Variants in MFN1 observed in about 807,000 individuals in gnomAD.
The protein encoded by MFN1 is mitofusin-1.
In MFN1, 65 loss-of-function variants were observed where a neutral mutation model predicts 92.4. The observed-to-expected ratio is 0.70, with a 90% CI of 0.58 to 0.86. MFN1 has a LOEUF of 0.86. MFN1 is among the 40% of genes least tolerant of loss of function. The probability of loss-of-function intolerance (pLI) is 0.00; values close to 1 mark genes in which losing one functional copy is unlikely to be tolerated. For missense variants in MFN1, 781 were observed against 868.0 expected (o/e 0.90, Z 1.26); for synonymous variants, 297 against 300.9 (o/e 0.99, Z 0.13).
chr3:179,386,852 T>C lies in MFN1; in HGVS notation c.2012+223T>C, dbSNP rs565475757. 1.8e-4 allele frequency among the ~76,000 whole-genome samples: 27 copies of C among 152,268 alleles called. No homozygotes were observed. In the South Asian group the frequency reaches 5.6e-3, roughly 32 times the overall value. On this transcript the variant is annotated intron_variant, in intron 16 of 17. Coordinates refer to ENST00000471841, the MANE Select transcript of MFN1 (RefSeq NM_033540.3). ...TTCCATTCTCCTGATAGATTAGGTT[T>C]GAACATTAGAAAATTGGTAGATAGG...
chr3:179,378,547 C>G, intron 13 of MFN1, 38 bp from the exon 14 acceptor site: 1 of 1,553,738 alleles, frequency 6.4e-7, no homozygotes, highest in South Asian at 1.1e-5. Context: ...AAACATTTAC[C>G]ATTCTTATCT....
At chr3:179,351,188 CTG>C (rs1712133878) in intron 2 of MFN1, among the ~76,000 whole-genome samples, 1 of 152,146 alleles carries the variant, frequency 6.6e-6, no homozygotes, top group South Asian at 2.1e-4. Flanking sequence ...ATAAAAAAAA[CTG>C]AAAGATTTTT....
chr3:179,360,549 CA>C (rs5854830), intron 4 of MFN1, among the ~76,000 whole-genome samples: 99,206 of 143,348 alleles, frequency 0.69, 33,495 homozygotes, highest in Admixed American at 0.76. Flanking sequence ...CTCCTTCAGC[CA>C]AAAAAAAAAA....
intron 2 of MFN1, among the ~76,000 whole-genome samples, chr3:179,349,398 C>T (rs1712050668): frequency 6.6e-6 from 1 of 152,170 alleles, no homozygotes. Flanking sequence ...AAGCCAAGAC[C>T]TCAGACATAT....
intron 16 of MFN1, 76 bp from the exon 17 acceptor site, chr3:179,389,924 CTTCT>C (rs1713837937): frequency 3.0e-6 from 4 of 1,349,348 alleles, no homozygotes; most frequent in Non-Finnish European, 4.1e-6. Context: ...AACTTGTGTT[CTTCT>C]TTTTATGTGA....
Position 179,385,858 on chromosome 3 carries a change from A to G in MFN1, c.1815+137A>G, listed in dbSNP as rs985725978. 4 of 808,752 alleles carry G rather than the reference A, an allele frequency of 4.9e-6. No individual in the cohort carries two copies. The East Asian group carries it at 1.2e-4, about 24-fold the overall frequency. The allele number at this position is 808,752 out of a possible 1,614,324, so 50.1% of individuals were successfully genotyped here. A position where few individuals can be genotyped will look rare whatever the true frequency, so the allele number is the denominator to read the frequency against. On this transcript the variant is annotated intron_variant, in intron 15 of 17. Transcript: ENST00000471841. ...ATAGTATGAAAATTTGCAGGTTAAA[A>G]GTAGTGAATTAAATATCACAAGTTT...
chr3:179,390,789 G>T (rs181656718), intron 17 of MFN1, among the ~76,000 whole-genome samples: 2 of 152,280 alleles, frequency 1.3e-5, no homozygotes, highest in Non-Finnish European at 2.9e-5. Flanking sequence ...AGTCCCTGCT[G>T]TTACTTCTAG....
intron 2 of MFN1, 81 bp from the exon 3 acceptor site, chr3:179,351,819 C>T (rs1712157154): frequency 3.0e-6 from 4 of 1,349,670 alleles, no homozygotes; most frequent in Non-Finnish European, 4.0e-6. Flanking sequence ...AGCAAAAATA[C>T]ATACAATCTT....
At chr3:179,375,646 G>A (rs778511889) in intron 10 of MFN1, among the ~76,000 whole-genome samples, 39 of 152,156 alleles carry the variant, frequency 2.6e-4, no homozygotes, top group Non-Finnish European at 4.3e-4. Context: ...TCTTCAAGCA[G>A]ATTTTTATGA....
chr3:179,364,280 T>C lies in MFN1; in HGVS notation c.537-17T>C, dbSNP rs1426870201. ...TTTTTAAGAAATATAATACAATTTT[T>C]ATTTCACTCTCATTAGTCCAGGCAC... On this transcript the variant is annotated splice_polypyrimidine_tract_variant and intron_variant, in intron 5 of 17. Coordinates refer to ENST00000471841, the MANE Select transcript of MFN1 (RefSeq NM_033540.3). 6.5e-7 allele frequency: 1 copy of C among 1,540,782 alleles called. No homozygotes were observed.
At chr3:179,388,479 A>G (rs1242066221) in intron 16 of MFN1, among the ~76,000 whole-genome samples, 1 of 152,210 alleles carries the variant, frequency 6.6e-6, no homozygotes, top group African/African-American at 2.4e-5. Flanking sequence ...TGGTAAAAAT[A>G]TATAGAACTC....
rs1471359683 is a variant in MFN1, at chr3:179,378,382, G to C, written c.1371G>C (p.Leu457Phe). ...KHIEDGMGRN[L>F]ADRCTDEVNA... Reference sequence around the variant, plus strand: ...TAGAGGATGGTATGGGAAGAAATTTGGCTGATCGATGCACCGATGAAGTAA... The same window carrying C: ...TAGAGGATGGTATGGGAAGAAATTTCGCTGATCGATGCACCGATGAAGTAA... Residue 457 changes from leucine (L) to phenylalanine (F), a missense_variant, in exon 13 of 18, where the codon TTG (leucine) becomes TTC (phenylalanine). Leu to Phe is a conservative substitution (Grantham distance 22). Coordinates refer to ENST00000471841, the MANE Select transcript of MFN1 (RefSeq NM_033540.3). 7 of 1,605,776 alleles carry C rather than the reference G, an allele frequency of 4.4e-6. No individual in the cohort carries two copies. The highest frequency in any genetic ancestry group is 5.9e-6 in the Non-Finnish European group (7 of 1,177,988).
chr3:179,383,735 C>T (rs1366483028), intron 14 of MFN1, among the ~76,000 whole-genome samples: 1 of 152,074 alleles, frequency 6.6e-6, no homozygotes. Context: ...CACCCATTCA[C>T]AATTGCTTCG....
chr3:179,372,632 C>T (rs1713068146), intron 9 of MFN1, among the ~76,000 whole-genome samples: 1 of 152,080 alleles, frequency 6.6e-6, no homozygotes, highest in Non-Finnish European at 1.5e-5. Context: ...ATTTTCTTCT[C>T]TATACTTACT....
chr3:179,357,308 C>A (rs1481667560), intron 3 of MFN1, among the ~76,000 whole-genome samples: 1 of 152,140 alleles, frequency 6.6e-6, no homozygotes, highest in African/African-American at 2.4e-5. Flanking sequence ...ATATTTCTGT[C>A]CAGACCCCGG....
At chr3:179,362,869 C>T (rs1712638669) in intron 5 of MFN1, among the ~76,000 whole-genome samples, 1 of 152,060 alleles carries the variant, frequency 6.6e-6, no homozygotes, top group Admixed American at 6.6e-5. Context: ...AATGGATTTT[C>T]CTTTTAAATG....
At chr3:179,391,312 T>G (rs1713891685) in intron 17 of MFN1, among the ~76,000 whole-genome samples, 1 of 152,138 alleles carries the variant, frequency 6.6e-6, no homozygotes, top group Admixed American at 6.5e-5. Context: ...TGAATAAGTA[T>G]GAATATTTTT....
chr3:179,382,938 G>GT (rs940980777), intron 14 of MFN1, among the ~76,000 whole-genome samples: 1 of 152,014 alleles, frequency 6.6e-6, no homozygotes, highest in African/African-American at 2.4e-5. Context: ...TTGTAAATTT[G>GT]TTTGAGTTCT....
chr3:179,371,462 A>G (rs1713020188), intron 9 of MFN1, among the ~76,000 whole-genome samples: 1 of 152,176 alleles, frequency 6.6e-6, no homozygotes, highest in South Asian at 2.1e-4. Context: ...TGAGCTATGG[A>G]GGTACCACTG....
Sources: allele counts gnomAD v4.1 joint callset (sites outside exome capture counted in the v4.1 genomes callset), GRCh38; gene constraint gnomAD v4.1.1; transcripts MANE v1.5; gene names NCBI Gene and HGNC (gene_info 2026-07-23, HGNC 2026-07-21).